The following LDLRAD4 variants were observed in gnomAD, a reference collection of about 807,000 sequenced individuals.
LDLRAD4 encodes the protein low-density lipoprotein receptor class A domain-containing protein 4.
A neutral mutation model predicts 17.0 loss-of-function variants in LDLRAD4; 5 were observed. The observed-to-expected ratio is 0.29, with a 90% CI of 0.15 to 0.62. LDLRAD4 has a LOEUF of 0.62. Among genes scored for constraint, LDLRAD4 ranks in the 20% least tolerant of loss-of-function variants. LDLRAD4 has a pLI of 0.84. For synonymous variants in LDLRAD4, 168 were observed against 171.8 expected (o/e 0.98, Z 0.17); for missense variants, 340 against 424.7 (o/e 0.80, Z 1.75).
At chr18:13,617,625 A>C (rs2040212870) in intron 3 of LDLRAD4, among the ~76,000 whole-genome samples, 1 of 152,242 alleles carries the variant, frequency 6.6e-6, no homozygotes, top group Admixed American at 6.5e-5. Flanking sequence ...TAACAGACAA[A>C]GATGTGTAAC....
intron 5 of LDLRAD4, 198 bp from the exon 7 acceptor site, chr18:13,644,929 A>T (rs374307619): frequency 8.8e-6 from 5 of 569,328 alleles, no homozygotes; most frequent in African/African-American, 5.7e-5. Context: ...TGGCAAGGTG[A>T]GTGGTCTGTC....
intron 1 of LDLRAD4, among the ~76,000 whole-genome samples, chr18:13,263,239 C>T (rs1276303466): frequency 2.0e-5 from 3 of 149,204 alleles, no homozygotes; most frequent in African/African-American, 5.0e-5. Flanking sequence ...GGCTGAGTCC[C>T]GTGCGGCTCT....
intron 4 of LDLRAD4, among the ~76,000 whole-genome samples, chr18:13,640,242 G>A (rs1163308080): frequency 3.1e-5 from 4 of 130,494 alleles, no homozygotes; most frequent in African/African-American, 6.1e-5. Context: ...GCAGTGAGCC[G>A]AGATCCCGCC....
At chr18:13,462,800 C>T (rs1242477029) in intron 3 of LDLRAD4, among the ~76,000 whole-genome samples, 11 of 152,138 alleles carry the variant, frequency 7.2e-5, no homozygotes, top group South Asian at 2.1e-4. Context: ...AGCAGAGCCC[C>T]GCCTGGGAGC....
rs2084952180 is a variant in LDLRAD4 at position 13,376,875 on chromosome 18, A to G, written c.-382-10466A>G. Among the ~76,000 whole-genome samples, 3 of 152,278 alleles carry G rather than the reference A, an allele frequency of 2.0e-5. 1 individual carries two copies. The Middle Eastern group carries it at 0.01, about 518-fold the overall frequency. On this transcript the variant is annotated intron_variant, in intron 1 of 5. Transcript: ENST00000359446. The stretch of plus-strand genomic sequence containing the variant: ...TACCAAGGCAGTGGAAATTGGTCTA[A>G]TGAACTCTTTCTGCCTGGCCGGAGG...
chr18:13,295,081 A>G (rs1237145481), intron 1 of LDLRAD4, among the ~76,000 whole-genome samples: 1 of 152,184 alleles, frequency 6.6e-6, no homozygotes. Context: ...TCTCTGTTTC[A>G]GGCTGAGGAA....
At chr18:13,491,681 T>C (rs1417691832) in intron 3 of LDLRAD4, 1 of 152,202 alleles carries the variant, frequency 6.6e-6, no homozygotes, top group Non-Finnish European at 1.5e-5. Flanking sequence ...CGTTTGTATA[T>C]GAGCAGTCAT....
chr18:13,503,828 G>A (rs2093650330), intron 3 of LDLRAD4, among the ~76,000 whole-genome samples: 1 of 151,250 alleles, frequency 6.6e-6, no homozygotes, highest in East Asian at 1.9e-4. Context: ...TGACTCAAAA[G>A]AAATAATTAT....
intron 3 of LDLRAD4, among the ~76,000 whole-genome samples, chr18:13,467,932 C>A (rs2092669138): frequency 6.6e-6 from 1 of 152,126 alleles, no homozygotes; most frequent in Non-Finnish European, 1.5e-5. Context: ...AACTGGGTTC[C>A]TGCATCAAAA....
At chr18:13,265,504 C>T (rs1032289335) in intron 1 of LDLRAD4, among the ~76,000 whole-genome samples, 4 of 152,316 alleles carry the variant, frequency 2.6e-5, no homozygotes, top group Non-Finnish European at 5.9e-5. Context: ...TTTCTGGGCT[C>T]ATCGCAATTT....
At chr18:13,555,496 T>C (rs1023498183) in intron 3 of LDLRAD4, among the ~76,000 whole-genome samples, 15 of 152,232 alleles carry the variant, frequency 9.9e-5, no homozygotes, top group African/African-American at 3.4e-4. Context: ...GCTTATGTTC[T>C]CTTACCTATG....
At chr18:13,265,666 C>A (rs185793860) in intron 1 of LDLRAD4, among the ~76,000 whole-genome samples, 1 of 152,328 alleles carries the variant, frequency 6.6e-6, no homozygotes, top group East Asian at 1.9e-4. Flanking sequence ...GGACTGTCCT[C>A]CCCAGGCACG....
chr18:13,544,885 CTTTTT>C (rs58284452), intron 3 of LDLRAD4, among the ~76,000 whole-genome samples: 13 of 122,828 alleles, frequency 1.1e-4, no homozygotes, highest in African/African-American at 2.7e-4. Flanking sequence ...GATGGTTTGT[CTTTTT>C]TTTTTTTTTT....
chr18:13,410,015 C>T (rs1186596848), intron 2 of LDLRAD4, among the ~76,000 whole-genome samples: 1 of 152,188 alleles, frequency 6.6e-6, no homozygotes, highest in South Asian at 2.1e-4. Context: ...TGAGTGGGCA[C>T]ACTGCCTCTG....
At chr18:13,578,093 C>A (rs1009076647) in intron 3 of LDLRAD4, among the ~76,000 whole-genome samples, 1 of 150,890 alleles carries the variant, frequency 6.6e-6, no homozygotes, top group Non-Finnish European at 1.5e-5. Context: ...GGTTCTTAAC[C>A]TTTGAGAATC....
chr18:13,226,213 G>GTTTT (rs2041796349), intron 1 of LDLRAD4, among the ~76,000 whole-genome samples: 3 of 25,614 alleles, frequency 1.2e-4, no homozygotes, highest in African/African-American at 2.3e-4. Context: ...TAGAGACCGG[G>GTTTT]TTTCGCCATG....
intron 1 of LDLRAD4, among the ~76,000 whole-genome samples, chr18:13,232,369 A>G (rs1411161571): frequency 6.6e-6 from 1 of 152,112 alleles, no homozygotes; most frequent in Non-Finnish European, 1.5e-5. Flanking sequence ...TTTGCCTGGC[A>G]TGGTTTGAGC....
chr18:13,416,287 C>G (rs980961070), intron 2 of LDLRAD4, among the ~76,000 whole-genome samples: 2 of 152,216 alleles, frequency 1.3e-5, no homozygotes, highest in African/African-American at 4.8e-5. Context: ...TGTGGGGTAC[C>G]CAGACCTCTT....
chr18:13,475,337 C>T (rs549601072), intron 3 of LDLRAD4, among the ~76,000 whole-genome samples: 1 of 152,218 alleles, frequency 6.6e-6, no homozygotes, highest in Admixed American at 6.5e-5. Context: ...GGCTGGTTCA[C>T]TGCAGCTTTG....
Sources: gnomAD v4.1 joint callset for allele counts (sites outside exome capture counted in the v4.1 genomes callset) on GRCh38, gnomAD v4.1.1 for gene constraint, MANE v1.5 for transcripts, NCBI Gene and HGNC (gene_info 2026-07-23, HGNC 2026-07-21) for gene names.